Variants in TSHZ3 observed in about 807,000 individuals in gnomAD.
TSHZ3 encodes the protein teashirt zinc finger homeobox 3, also known as teashirt homolog 3.
TSHZ3 carries 10 observed loss-of-function variants against 64.5 expected under a neutral mutation model. That is an observed-to-expected ratio of 0.16 (90% CI 0.10 to 0.26). TSHZ3 has a LOEUF of 0.26. Ranked by LOEUF, TSHZ3 falls within the 10% of genes least tolerant of loss-of-function variation. TSHZ3 has a pLI of 1.00. For missense variants in TSHZ3, 1,242 were observed against 1,421.7 expected (o/e 0.87, Z 2.03); for synonymous variants, 608 against 593.1 (o/e 1.03, Z -0.36).
chr19:31,348,941 G>A, intron 1 of TSHZ3: 1 of 496,048 alleles, frequency 2.0e-6, no homozygotes, highest in Non-Finnish European at 3.5e-6. Flanking sequence ...GCGGCTCAGC[G>A]CGCTCCGCGA....
chr19:31,185,139 G>C (rs1045829374), intron 5 of TSHZ3, among the ~76,000 whole-genome samples: 12 of 151,222 alleles, frequency 7.9e-5, no homozygotes, highest in Admixed American at 7.9e-4. Context: ...GAAATGCAGA[G>C]CGAGGAAAGC....
chr19:31,323,347 C>T (rs77783548), intron 1 of TSHZ3, among the ~76,000 whole-genome samples: 1,571 of 152,220 alleles, frequency 0.01, 23 homozygotes, highest in Admixed American at 0.016. Context: ...GGTTTGGGGG[C>T]CTTTAAAAAT....
At chr19:31,338,230 C>T (rs576984493) in intron 1 of TSHZ3, among the ~76,000 whole-genome samples, 3 of 152,196 alleles carry the variant, frequency 2.0e-5, no homozygotes, top group African/African-American at 7.2e-5. Flanking sequence ...AACCAGGCTG[C>T]GTCCCTGAGT....
At chr19:31,167,886 G>A (rs770125639) in intron 5 of TSHZ3, 34 of 152,170 alleles carry the variant, frequency 2.2e-4, no homozygotes, top group Middle Eastern at 3.2e-3. Flanking sequence ...AGAACACGCA[G>A]AGGCGTTTCC....
intron 5 of TSHZ3, among the ~76,000 whole-genome samples, chr19:31,194,420 A>G (rs940251033): frequency 6.6e-6 from 1 of 152,194 alleles, no homozygotes; most frequent in African/African-American, 2.4e-5. Context: ...TTTTATCAGA[A>G]CTTATCTCAC....
intron 5 of TSHZ3, among the ~76,000 whole-genome samples, chr19:31,196,640 A>T (rs1359220111): frequency 2.0e-5 from 3 of 152,010 alleles, no homozygotes; most frequent in Non-Finnish European, 4.4e-5. Flanking sequence ...AAGACATACC[A>T]TGCTAACACT....
chr19:31,192,013 T>A (rs1568342820), intron 5 of TSHZ3, among the ~76,000 whole-genome samples: 1 of 152,182 alleles, frequency 6.6e-6, no homozygotes. Flanking sequence ...ATAATGGAGA[T>A]GTGGATAGAA....
chr19:31,204,646 C>G (rs1202348776), intron 5 of TSHZ3: 1 of 152,216 alleles, frequency 6.6e-6, no homozygotes, highest in Non-Finnish European at 1.5e-5. Context: ...ACTGACAATG[C>G]TATAGGCATT....
chr19:31,157,086 C>T (rs1974314876), intron 5 of TSHZ3, among the ~76,000 whole-genome samples: 1 of 147,004 alleles, frequency 6.8e-6, no homozygotes, highest in Non-Finnish European at 1.5e-5. Flanking sequence ...CATATATTGA[C>T]ATTCTAACCT....
intron 4 of TSHZ3, among the ~76,000 whole-genome samples, chr19:31,225,083 G>C (rs2145170841): frequency 6.6e-6 from 1 of 152,284 alleles, no homozygotes; most frequent in South Asian, 2.1e-4. Context: ...ACTGCACCCT[G>C]ACTTCAGCAA....
downstream of TSHZ3, among the ~76,000 whole-genome samples, chr19:31,274,073 GA>G (rs1207925020): frequency 6.6e-6 from 1 of 151,922 alleles, no homozygotes; most frequent in Non-Finnish European, 1.5e-5. Context: ...GGGATGAGCG[GA>G]AAAACCGTAG....
chr19:31,236,186 T>C (rs1975611733), intron 3 of TSHZ3, among the ~76,000 whole-genome samples: 1 of 152,188 alleles, frequency 6.6e-6, no homozygotes. Flanking sequence ...TAGTTTCTAG[T>C]TATTTTTAGT....
At chr19:31,318,093 T>C (rs746344096) in intron 1 of TSHZ3, among the ~76,000 whole-genome samples, 4 of 152,222 alleles carry the variant, frequency 2.6e-5, no homozygotes, top group Non-Finnish European at 4.4e-5. Flanking sequence ...ATAATAAATA[T>C]ACATTTAAAA....
chr19:31,151,791 T>C (rs941683148), intron 6 of TSHZ3, among the ~76,000 whole-genome samples: 3 of 152,172 alleles, frequency 2.0e-5, no homozygotes, highest in Non-Finnish European at 4.4e-5. Flanking sequence ...CTCGTGAAAT[T>C]CAGGCTGAGA....
At chr19:31,170,944 G>A (rs1974526953) in intron 5 of TSHZ3, among the ~76,000 whole-genome samples, 2 of 152,172 alleles carry the variant, frequency 1.3e-5, no homozygotes, top group Admixed American at 1.3e-4. Context: ...ATTAAAAGAA[G>A]AATGATGTCT....
chr19:31,311,506 G>A lies in TSHZ3; in HGVS notation c.41-31754C>T, dbSNP rs573588619. 9.8e-5 allele frequency among the ~76,000 whole-genome samples: 15 copies of A among 152,302 alleles called. No homozygotes were observed. The South Asian group carries it at 2.7e-3, about 27-fold the overall frequency. On this transcript the variant is annotated intron_variant, in intron 1 of 1. Coordinates refer to ENST00000240587, the MANE Select transcript of TSHZ3 (RefSeq NM_020856.4). ...GGTTTGTTCCTTATGGGAAGGAGAC[G>A]TCTTGGTCCTACGGAGTCCTCCAGT... is the stretch of plus-strand genomic sequence containing the variant.
rs1028258937 is a variant in TSHZ3 at position 31,307,006 on chromosome 19, T to C, written c.41-27254A>G. 7.2e-5 allele frequency among the ~76,000 whole-genome samples: 11 copies of C among 152,148 alleles called. No homozygotes were observed. The East Asian group carries it at 2.1e-3, about 29-fold the overall frequency. ...CTAAATATTTCTTTGACTATTTCTT[T>C]GTATTCCACCTCATTCCACCCCCAC... On this transcript the variant is annotated intron_variant, in intron 1 of 1. Coordinates refer to ENST00000240587, the MANE Select transcript of TSHZ3 (RefSeq NM_020856.4).
intron 1 of TSHZ3, among the ~76,000 whole-genome samples, chr19:31,282,568 A>T (rs1227104508): frequency 6.6e-6 from 1 of 152,044 alleles, no homozygotes; most frequent in Non-Finnish European, 1.5e-5. Flanking sequence ...CCCCCACTGC[A>T]CAAGCACCAA....
intron 5 of TSHZ3, among the ~76,000 whole-genome samples, chr19:31,198,418 T>C (rs924272149): frequency 6.6e-5 from 10 of 152,006 alleles, no homozygotes; most frequent in African/African-American, 1.7e-4. Context: ...TTCAACATCA[T>C]ACTGGAAGTC....
Sources: gnomAD v4.1 joint callset for allele counts (sites outside exome capture counted in the v4.1 genomes callset) on GRCh38, gnomAD v4.1.1 for gene constraint, MANE v1.5 for transcripts, NCBI Gene and HGNC (gene_info 2026-07-23, HGNC 2026-07-21) for gene names.